The following SHISA9 variants were observed in gnomAD, a reference collection of about 807,000 sequenced individuals.
The protein encoded by SHISA9 is shisa family member 9.
SHISA9 carries 13 observed loss-of-function variants against 38.0 expected under a neutral mutation model. The ratio of observed to expected loss-of-function variants is 0.34; its 90% CI spans 0.22 to 0.54. SHISA9 has a LOEUF of 0.54. Among genes scored for constraint, SHISA9 ranks in the 20% least tolerant of loss-of-function variants. SHISA9 has a pLI of 0.91. For missense variants in SHISA9, 538 were observed against 575.8 expected (o/e 0.93, Z 0.67); for synonymous variants, 275 against 242.0 (o/e 1.14, Z -1.27).
At chr16:13,482,850 C>T in the SHISA9 span, among the ~76,000 whole-genome samples, 1 of 149,876 alleles carries the variant, frequency 6.7e-6, no homozygotes, top group Admixed American at 6.6e-5. Context: ...GTCACCGAGT[C>T]AGTAGGAGCA....
the SHISA9 span, among the ~76,000 whole-genome samples, chr16:13,391,687 T>C: frequency 2.0e-5 from 3 of 152,126 alleles, no homozygotes; most frequent in Admixed American, 2.0e-4. Context: ...CAGGAATCAA[T>C]ATTTTTGGAG....
chr16:13,486,707 C>G, the SHISA9 span, among the ~76,000 whole-genome samples: 1 of 152,060 alleles, frequency 6.6e-6, no homozygotes, highest in Non-Finnish European at 1.5e-5. Context: ...CCTTCTTTCT[C>G]TTTTTATTTT....
At chr16:13,334,804 T>G in the SHISA9 span, among the ~76,000 whole-genome samples, 3 of 150,214 alleles carry the variant, frequency 2.0e-5, no homozygotes, top group East Asian at 5.9e-4. Flanking sequence ...ATAAATGAAC[T>G]AATATAAATT....
intron 2 of SHISA9, among the ~76,000 whole-genome samples, chr16:12,933,442 A>C (rs1354273019): frequency 6.6e-6 from 1 of 152,046 alleles, no homozygotes; most frequent in Admixed American, 6.6e-5. Flanking sequence ...CTGCAGGTGC[A>C]TGCCACTGTG....
the SHISA9 span, among the ~76,000 whole-genome samples, chr16:13,362,445 CAAAA>C: frequency 6.6e-6 from 1 of 151,670 alleles, no homozygotes; most frequent in African/African-American, 2.4e-5. Flanking sequence ...AAAAACAAAA[CAAAA>C]CAAACAAACA....
At chr16:12,918,823 C>T (rs2071291480) in intron 2 of SHISA9, among the ~76,000 whole-genome samples, 1 of 140,130 alleles carries the variant, frequency 7.1e-6, no homozygotes, top group African/African-American at 2.5e-5. Flanking sequence ...ACAAGAATTG[C>T]CCAGATATTA....
the SHISA9 span, among the ~76,000 whole-genome samples, chr16:13,456,264 T>A: frequency 6.6e-6 from 1 of 152,186 alleles, no homozygotes; most frequent in Non-Finnish European, 1.5e-5. Context: ...CGTTAGACTG[T>A]GCACTTCAAC....
At chr16:12,942,047 A>G (rs1430499303) in intron 2 of SHISA9, among the ~76,000 whole-genome samples, 3 of 151,826 alleles carry the variant, frequency 2.0e-5, no homozygotes, top group Non-Finnish European at 4.4e-5. Flanking sequence ...CTTGGGCTGG[A>G]GCCATTTGGG....
chr16:13,038,533 T>C (rs574211980), intron 2 of SHISA9, among the ~76,000 whole-genome samples: 64 of 152,320 alleles, frequency 4.2e-4, no homozygotes, highest in African/African-American at 1.4e-3. Flanking sequence ...TCCTCAGGAC[T>C]TTTGCACGTA....
At chr16:13,162,453 A>G (rs1206773725) in intron 2 of SHISA9, among the ~76,000 whole-genome samples, 1 of 152,186 alleles carries the variant, frequency 6.6e-6, no homozygotes, top group Non-Finnish European at 1.5e-5. Context: ...GTTCTTTTTT[A>G]CCTTGCATTA....
the SHISA9 span, among the ~76,000 whole-genome samples, chr16:13,277,922 T>C: frequency 1.1e-4 from 16 of 151,912 alleles, no homozygotes. Flanking sequence ...TCCCTTGTCT[T>C]AATGTTCTGG....
chr16:13,512,506 T>C, the SHISA9 span, among the ~76,000 whole-genome samples: 1 of 152,112 alleles, frequency 6.6e-6, no homozygotes, highest in South Asian at 2.1e-4. Context: ...AAAAACTAGT[T>C]TAAATTTCAT....
At chr16:12,921,859 T>C (rs28665754) in intron 2 of SHISA9, among the ~76,000 whole-genome samples, 38,509 of 152,110 alleles carry the variant, frequency 0.25, 5,424 homozygotes, top group Non-Finnish European at 0.31. Flanking sequence ...GTAAAAAATA[T>C]GTAAGATAGT....
chr16:13,054,778 C>G (rs749862563), intron 2 of SHISA9, among the ~76,000 whole-genome samples: 5 of 152,228 alleles, frequency 3.3e-5, no homozygotes, highest in African/African-American at 7.2e-5. Flanking sequence ...CAGCCCCTCT[C>G]ATGAGTGATG....
chr16:13,028,789 A>G (rs1377714894), intron 2 of SHISA9, among the ~76,000 whole-genome samples: 6 of 152,210 alleles, frequency 3.9e-5, no homozygotes, highest in African/African-American at 1.4e-4. Context: ...AGCTGGGGTC[A>G]TATGACCATC....
intron 2 of SHISA9, among the ~76,000 whole-genome samples, chr16:12,978,187 CT>C (rs1238593090): frequency 6.6e-6 from 1 of 152,104 alleles, no homozygotes; most frequent in African/African-American, 2.4e-5. Context: ...AATTTGACCC[CT>C]GTATAGACCC....
the SHISA9 span, among the ~76,000 whole-genome samples, chr16:13,512,076 T>C: frequency 1.3e-5 from 2 of 152,000 alleles, no homozygotes; most frequent in African/African-American, 4.8e-5. Flanking sequence ...CCTGCTCTGG[T>C]CTCCATAACA....
intron 2 of SHISA9, among the ~76,000 whole-genome samples, chr16:13,193,928 A>G (rs1020062540): frequency 6.6e-6 from 1 of 152,098 alleles, no homozygotes; most frequent in Admixed American, 6.5e-5. Context: ...GAGCTTCACT[A>G]TGAGCTCCTG....
intron 2 of SHISA9, among the ~76,000 whole-genome samples, chr16:13,181,628 C>T (rs1237650318): frequency 6.6e-6 from 1 of 151,844 alleles, no homozygotes; most frequent in African/African-American, 2.4e-5. Flanking sequence ...GGAATGATGT[C>T]ATAGCTCGTG....
Sources: allele counts gnomAD v4.1 joint callset (sites outside exome capture counted in the v4.1 genomes callset), GRCh38; gene constraint gnomAD v4.1.1; transcripts MANE v1.5; gene names NCBI Gene and HGNC (gene_info 2026-07-23, HGNC 2026-07-21).